TEX2: variants seen among roughly 807,000 people sequenced by gnomAD.
TEX2 encodes the protein testis-expressed protein 2.
In TEX2, 53 loss-of-function variants were observed where a neutral mutation model predicts 106.9. The ratio of observed to expected loss-of-function variants is 0.50; its 90% CI spans 0.40 to 0.62. The LOEUF is 0.62. TEX2 is among the 20% of genes least tolerant of loss of function. The pLI is 0.00. For synonymous variants in TEX2, 523 were observed against 534.8 expected (o/e 0.98, Z 0.30); for missense variants, 1,207 against 1,379.0 (o/e 0.88, Z 1.98).
chr17:64,202,180 T>C (rs2032688655), intron 2 of TEX2, among the ~76,000 whole-genome samples: 1 of 152,210 alleles, frequency 6.6e-6, no homozygotes, highest in South Asian at 2.1e-4. Flanking sequence ...AAGTCTTATC[T>C]AGAGCAGAGA....
At chr17:64,239,339 C>G (rs1555635482) in intron 1 of TEX2, 2 of 152,166 alleles carry the variant, frequency 1.3e-5, no homozygotes, top group African/African-American at 4.8e-5. Flanking sequence ...CAATTCAATC[C>G]TCTCTGCTTC....
At chr17:64,161,387 A>G (rs567100723) in intron 7 of TEX2, among the ~76,000 whole-genome samples, 1 of 152,332 alleles carries the variant, frequency 6.6e-6, no homozygotes, top group Admixed American at 6.5e-5. Context: ...AAAGACACAT[A>G]TGAGAACCGC....
rs2033078556 is a variant in TEX2 at position 64,213,473 on chromosome 17, G to A, written c.745C>T (p.Gln249Ter). ...CCTGTGTTTCGGGGCTGTGTGAACTGCTTGAACAGGTGTAAGTTCAGTTTG... is the reference window on the plus strand; with the variant it reads ...CCTGTGTTTCGGGGCTGTGTGAACTACTTGAACAGGTGTAAGTTCAGTTTG... ...DSKLNLHLFK[Q>*]FTQPRNTGGD... Residue 249 changes from glutamine to a stop codon, truncating the protein, a stop_gained, in exon 2 of 12, where the codon CAG becomes TAG. Coordinates refer to ENST00000584379, the MANE Select transcript of TEX2 (RefSeq NM_001288732.2). LOFTEE classifies it high-confidence loss of function. This position sits in a 1 kb window ranked among gnomAD's most constrained non-coding sequence, Gnocchi z 4.4. The A allele has an allele frequency of 6.2e-7, 1 of 1,614,050 alleles. No individual in the cohort carries two copies. Among genetic ancestry groups the A allele is most frequent in the Non-Finnish European group, 8.5e-7 (1 of 1,180,040 alleles).
intron 2 of TEX2, among the ~76,000 whole-genome samples, chr17:64,197,660 T>C (rs2032518232): frequency 6.6e-6 from 1 of 152,134 alleles, no homozygotes; most frequent in Non-Finnish European, 1.5e-5. Context: ...CTGGGCTCAA[T>C]TAATCCTCCC....
Position 64,263,229 on chromosome 17 carries a change from C to T in TEX2, c.-87G>A, listed in dbSNP as rs2143558496. On this transcript the variant is annotated 5_prime_UTR_variant, in exon 1 of 12. Coordinates refer to ENST00000584379, the MANE Select transcript of TEX2 (RefSeq NM_001288732.2). ...CGCCCGTGCTCCCGGCCGCGCGACT[C>T]CGGCTTCGGCTGGGGCACCGGCCGC... 1 of 150,654 alleles carries T rather than the reference C, an allele frequency of 6.6e-6. No homozygotes were observed. Among genetic ancestry groups the T allele is most frequent in the Admixed American group, 6.6e-5 (1 of 15,118 alleles). 9.3% of individuals were successfully genotyped at this position (150,654 alleles called of 1,614,324 possible).
At chr17:64,190,974 G>A (rs1223151186) in intron 4 of TEX2, among the ~76,000 whole-genome samples, 1 of 152,196 alleles carries the variant, frequency 6.6e-6, no homozygotes, top group Non-Finnish European at 1.5e-5. Flanking sequence ...CAGAGAATCA[G>A]ACCAGTCCTA....
intron 1 of TEX2, among the ~76,000 whole-genome samples, chr17:64,237,284 T>C (rs782514370): frequency 5.3e-5 from 8 of 150,952 alleles, no homozygotes; most frequent in Non-Finnish European, 1.2e-4. Context: ...TTCTCGGGGG[T>C]GAGTATTATA....
chr17:64,239,507 C>A (rs1201745550), intron 1 of TEX2, among the ~76,000 whole-genome samples: 1 of 152,168 alleles, frequency 6.6e-6, no homozygotes, highest in African/African-American at 2.4e-5. Context: ...ATGTTTCCAA[C>A]CCAAATCCAC....
chr17:64,171,277 G>A (rs1274465274), intron 6 of TEX2, 78 bp from the exon 7 acceptor site: 25 of 1,245,404 alleles, frequency 2.0e-5, no homozygotes, highest in South Asian at 3.7e-5. Flanking sequence ...ACATGCTTCC[G>A]GAGAGGATGG....
At chr17:64,210,668 G>T (rs1402273086) in intron 2 of TEX2, among the ~76,000 whole-genome samples, 1 of 101,428 alleles carries the variant, frequency 9.9e-6, no homozygotes, top group African/African-American at 3.5e-5. Flanking sequence ...TTGCAATAGG[G>T]ACATCACGCT....
At chr17:64,248,087 T>C (rs1161367381) in intron 1 of TEX2, among the ~76,000 whole-genome samples, 8 of 152,178 alleles carry the variant, frequency 5.3e-5, no homozygotes, top group Admixed American at 3.9e-4. Context: ...ATTTTACTCC[T>C]GGAACCAAGA....
chr17:64,220,385 G>C (rs1440529380), intron 1 of TEX2, among the ~76,000 whole-genome samples: 3 of 152,064 alleles, frequency 2.0e-5, no homozygotes, highest in African/African-American at 7.2e-5. Context: ...GAGCTTCTGT[G>C]CAGCAAAATA....
At position 64,148,862 on chromosome 17, in the gene TEX2, G is replaced by A. The variant is rs888361014; in HGVS notation, c.*107C>T. The A allele has an allele frequency of 6.3e-6, 9 of 1,429,246 alleles. No homozygotes were observed. In the African/African-American group the frequency reaches 1.3e-4, roughly 20 times the overall value. The allele number at this position is 1,429,246 out of a possible 1,614,324, so 88.5% of individuals were successfully genotyped here. A position where few individuals can be genotyped will look rare whatever the true frequency, so the allele number is the denominator to read the frequency against. ...GCAGAGGGCAGAAGCAGTCCTTTAAGAAACAGTAGCTGTGGCACAGAGGCC... is the reference window on the plus strand; with the variant it reads ...GCAGAGGGCAGAAGCAGTCCTTTAAAAAACAGTAGCTGTGGCACAGAGGCC... On this transcript the variant is annotated 3_prime_UTR_variant, in exon 12 of 12. Transcript: ENST00000584379.
intron 4 of TEX2, among the ~76,000 whole-genome samples, 198 bp from the exon 5 acceptor site, chr17:64,188,613 G>C (rs963173870): frequency 6.6e-6 from 1 of 152,028 alleles, no homozygotes; most frequent in African/African-American, 2.4e-5. Flanking sequence ...TCAGGAGATC[G>C]AGACCATCCT....
intron 2 of TEX2, among the ~76,000 whole-genome samples, chr17:64,196,038 A>G (rs568658856): frequency 6.6e-6 from 1 of 152,366 alleles, no homozygotes; most frequent in South Asian, 2.1e-4. Flanking sequence ...AGCTCACTAC[A>G]TGGGAGTTGG....
intron 7 of TEX2, among the ~76,000 whole-genome samples, 170 bp from the exon 8 acceptor site, chr17:64,161,103 G>A (rs530946535): frequency 3.3e-5 from 5 of 152,234 alleles, no homozygotes; most frequent in Admixed American, 6.5e-5. Flanking sequence ...CGACACACAC[G>A]AGAACAGGTC....
rs1013138269 is a variant in TEX2 at position 64,152,983 on chromosome 17, C to T, written c.3102G>A (p.Leu1034=). The T allele has an allele frequency of 1.1e-5, 18 of 1,614,170 alleles. No homozygotes were observed. The highest frequency in any genetic ancestry group is 1.5e-5 in the Non-Finnish European group (18 of 1,180,040). The change falls in exon 10 of 12, where the codon TTG becomes TTA. Residue 1034 remains leucine, a synonymous_variant. Coordinates refer to ENST00000584379, the MANE Select transcript of TEX2 (RefSeq NM_001288732.2). ...TCGGGGGTGGTGGAATGTTGACCGC[C>T]AAGGTTCCTCTACATTCTTGTACTT... is the stretch of plus-strand genomic sequence containing the variant. ...TVEVQECRGT[L]AVNIPPPPTD...
chr17:64,159,514 A>G (rs768776160), intron 8 of TEX2, among the ~76,000 whole-genome samples: 6 of 152,154 alleles, frequency 3.9e-5, no homozygotes, highest in Non-Finnish European at 8.8e-5. Context: ...CCCTGTCAGG[A>G]AAGCCTCTTA....
At chr17:64,254,520 T>C (rs1313551568) in intron 1 of TEX2, among the ~76,000 whole-genome samples, 2 of 152,354 alleles carry the variant, frequency 1.3e-5, no homozygotes, top group East Asian at 3.9e-4. Flanking sequence ...TCAGTTGCAC[T>C]AACCACCTTT....
Sources: gnomAD v4.1 joint callset for allele counts (sites outside exome capture counted in the v4.1 genomes callset) on GRCh38, gnomAD v4.1.1 for gene constraint, Gnocchi (gnomAD v3.1) non-coding constraint, MANE v1.5 for transcripts, NCBI Gene and HGNC (gene_info 2026-07-23, HGNC 2026-07-21) for gene names.